Variants in HMCN2 observed in about 807,000 individuals in gnomAD.
HMCN2 encodes the protein hemicentin-2.
HMCN2 carries 325 observed loss-of-function variants against 377.5 expected under a neutral mutation model. The ratio of observed to expected loss-of-function variants is 0.86; its 90% CI spans 0.79 to 0.94. The LOEUF is 0.94. Among genes scored for constraint, HMCN2 ranks in the 40% least tolerant of loss-of-function variants. The probability of loss-of-function intolerance (pLI) is 0.00; values close to 1 mark genes in which losing one functional copy is unlikely to be tolerated. For synonymous variants in HMCN2, 2,007 were observed against 2,046.8 expected, an observed-to-expected ratio of 0.98 and a Z score of 0.53; for missense variants, 4,543 against 4,725.3, an observed-to-expected ratio of 0.96 and a Z score of 1.13.
chr9:130,422,730 A>T lies in HMCN2; in HGVS notation c.13381+4A>T. 1 of 1,275,648 alleles carries T rather than the reference A, an allele frequency of 7.8e-7. No individual in the cohort carries two copies. The highest frequency in any genetic ancestry group is 1.0e-6 in the Non-Finnish European group (1 of 1,002,584). The allele number at this position is 1,275,648 out of a possible 1,614,324, so 79.0% of individuals were successfully genotyped here. On this transcript the variant is annotated splice_donor_region_variant and intron_variant, in intron 87 of 97. Coordinates refer to ENST00000683500, the MANE Select transcript of HMCN2 (RefSeq NM_001291815.2). The surrounding 1 kb of genome is among the most constrained non-coding windows in gnomAD (Gnocchi z 4.2). ...CGCCATGTCCCAGCAAACGTGGGTG[A>T]GTGGAAGGCAGAGCATCACCTGCCT... is the stretch of plus-strand genomic sequence containing the variant.
chr9:130,315,016 C>T (rs1166811668), intron 15 of HMCN2, among the ~76,000 whole-genome samples: 7 of 151,790 alleles, frequency 4.6e-5, no homozygotes, highest in African/African-American at 1.7e-4. Flanking sequence ...AGGGCCTTTC[C>T]CTTGGAAAAT....
At chr9:130,379,529 G>A in intron 54 of HMCN2, 62 bp downstream of exon 54, 1 of 785,120 alleles carries the variant, frequency 1.3e-6, no homozygotes, top group Non-Finnish European at 1.5e-6. Flanking sequence ...TGCCTGCTGT[G>A]TGACCTTAAG....
chr9:130,381,290 TC>T (rs1473100189), intron 54 of HMCN2, among the ~76,000 whole-genome samples: 1 of 151,954 alleles, frequency 6.6e-6, no homozygotes, highest in Non-Finnish European at 1.5e-5. Flanking sequence ...AGCCTAGAAT[TC>T]TGAGCACACA....
intron 76 of HMCN2, 146 bp downstream of exon 76, chr9:130,399,778 G>A (rs970041274): frequency 8.8e-6 from 4 of 455,460 alleles, no homozygotes; most frequent in African/African-American, 2.0e-5. Flanking sequence ...CTCAGATCCT[G>A]CTGGGCCACA....
rs1316819572 is a variant in HMCN2, at chr9:130,425,041, G to T, written c.13552G>T (p.Gly4518Cys). 2.6e-6 allele frequency: 4 copies of T among 1,549,954 alleles called. No homozygotes were observed. The highest frequency in any genetic ancestry group is 1.2e-5 in the South Asian group (1 of 84,004). ...ELLTMTQVARGLDPDGLLLLD... is the reference protein window; with the variant it reads ...ELLTMTQVARCLDPDGLLLLD... ...GCTCACGATGACCCAGGTGGCCCGGGGTCTGGATCCCGATGGCCTCCTGCT... is the reference window on the plus strand; with the variant it reads ...GCTCACGATGACCCAGGTGGCCCGGTGTCTGGATCCCGATGGCCTCCTGCT... The change falls in exon 89 of 98, where the codon GGT (glycine) becomes TGT (cysteine). Residue 4518 changes from glycine to cysteine, a missense_variant. Physicochemically the swap from Gly to Cys is radical, Grantham distance 159. This residue lies in a region of HMCN2 where 1,155 missense variants were observed against 1,157.7 expected (regional missense o/e 1.00). Transcript: ENST00000683500.
At position 130,428,785 on chromosome 9, in the gene HMCN2, C is replaced by T. The variant is rs1339346741; in HGVS notation, c.14197+296C>T. On this transcript the variant is annotated intron_variant, in intron 93 of 97. Transcript: ENST00000683500. This position sits in a 1 kb window ranked among gnomAD's most constrained non-coding sequence, Gnocchi z 5.0. ...CCAGGTCAGGGATGGCAAACACATG[C>T]TCCCTCTGCTGCCATCCGTTCTGTT... 6.6e-6 allele frequency among the ~76,000 whole-genome samples: 1 copy of T among 152,180 alleles called. No individual in the cohort carries two copies. The highest frequency in any genetic ancestry group is 1.5e-5 in the Non-Finnish European group (1 of 68,020).
intron 31 of HMCN2, among the ~76,000 whole-genome samples, 180 bp from the exon 32 acceptor site, chr9:130,354,583 G>A (rs1004912433): frequency 1.3e-5 from 2 of 152,182 alleles, no homozygotes; most frequent in East Asian, 1.9e-4. Context: ...CCCAGGGGCT[G>A]AGGAGGGTGA....
chr9:130,421,435 T>C (rs1844002997), intron 86 of HMCN2, among the ~76,000 whole-genome samples: 1 of 152,156 alleles, frequency 6.6e-6, no homozygotes, highest in Non-Finnish European at 1.5e-5. Context: ...AAACCTGCTT[T>C]TCCTCCTTCC....
chr9:130,270,713 G>C (rs1834367018), intron 1 of HMCN2, among the ~76,000 whole-genome samples: 1 of 148,960 alleles, frequency 6.7e-6, no homozygotes, highest in South Asian at 2.1e-4. Context: ...AGCCTTCTGA[G>C]TAGCTGGGAC....
intron 85 of HMCN2, among the ~76,000 whole-genome samples, chr9:130,410,870 G>A (rs1314324750): frequency 6.6e-6 from 1 of 152,154 alleles, no homozygotes; most frequent in Non-Finnish European, 1.5e-5. Flanking sequence ...GGGCCTGGGG[G>A]AGCTGGGCAT....
At position 130,422,714 on chromosome 9, in the gene HMCN2, C is replaced by T; in HGVS notation, c.13369C>T (p.Pro4457Ser). The part of the protein sequence containing the change: ...SSIHSSIRHV[P>S]ANVGPLMRVL... Reference sequence around the variant, plus strand: ...CATCCACAGCAGCATCCGCCATGTCCCAGCAAACGTGGGTGAGTGGAAGGC... The same window carrying T: ...CATCCACAGCAGCATCCGCCATGTCTCAGCAAACGTGGGTGAGTGGAAGGC... The change falls in exon 87 of 98, where the codon CCA becomes TCA. Residue 4457 changes from proline to serine, a missense_variant. Transcript: ENST00000683500. The surrounding 1 kb of genome is among the most constrained non-coding windows in gnomAD (Gnocchi z 4.2). 7.8e-7 allele frequency: 1 copy of T among 1,281,920 alleles called. No individual in the cohort carries two copies. The highest frequency in any genetic ancestry group is 1.5e-5 in the African/African-American group (1 of 64,814). The allele number at this position is 1,281,920 out of a possible 1,614,324, so 79.4% of individuals were successfully genotyped here.
chr9:130,319,278 C>T (rs878869624), intron 15 of HMCN2, among the ~76,000 whole-genome samples: 7,133 of 152,222 alleles, frequency 0.047, 535 homozygotes, highest in African/African-American at 0.16. Flanking sequence ...TGAGACCCCA[C>T]GCACCATCCC....
Position 130,382,229 on chromosome 9 carries a change from G to A in HMCN2, c.8477G>A (p.Gly2826Glu). 2 of 985,848 alleles carry A rather than the reference G, an allele frequency of 2.0e-6. No homozygotes were observed. The highest frequency in any genetic ancestry group is 2.4e-6 in the Non-Finnish European group (2 of 829,942). 61.1% of individuals were successfully genotyped at this position (985,848 alleles called of 1,614,324 possible). A position where few individuals can be genotyped will look rare whatever the true frequency, so the allele number is the denominator to read the frequency against. Residue 2826 changes from glycine (G) to glutamate (E), a missense_variant, in exon 55 of 98, where the codon GGG becomes GAG. Physicochemically the swap from Gly to Glu is moderately conservative, Grantham distance 98. This residue lies in a region of HMCN2 where 736 missense variants were observed against 773.2 expected (regional missense o/e 0.95). Coordinates refer to ENST00000683500, the MANE Select transcript of HMCN2 (RefSeq NM_001291815.2). ...QIPLVRAENA[G>E]RYSCKASNEV... ...CCCCTGGTGCGGGCAGAGAACGCCGGGAGGTACTCGTGCAAGGCCTCCAAC... is the reference window on the plus strand; with the variant it reads ...CCCCTGGTGCGGGCAGAGAACGCCGAGAGGTACTCGTGCAAGGCCTCCAAC...
In HMCN2 at chr9:130,339,860, G is replaced by T. The variant is rs1012530755; in HGVS notation, c.3488-1251G>T. 3.7e-4 allele frequency among the ~76,000 whole-genome samples: 56 copies of T among 152,264 alleles called. 2 individuals are homozygous for T. In the South Asian group the frequency reaches 0.011, roughly 30 times the overall value. On this transcript the variant is annotated intron_variant, in intron 23 of 97. Coordinates refer to ENST00000683500, the MANE Select transcript of HMCN2 (RefSeq NM_001291815.2). ...TTCTCAGAAGCTGCGTAGGGGGTGG[G>T]TGCACCTCAGTGTCCCTCGAGGGTC...
At chr9:130,417,947 C>G (rs976131676) in intron 85 of HMCN2, among the ~76,000 whole-genome samples, 2 of 152,228 alleles carry the variant, frequency 1.3e-5, no homozygotes, top group African/African-American at 4.8e-5. Flanking sequence ...CCATACTAGC[C>G]TTCCAGGAGG....
At chr9:130,268,977 A>G (rs1030290711) in intron 1 of HMCN2, among the ~76,000 whole-genome samples, 8 of 148,706 alleles carry the variant, frequency 5.4e-5, no homozygotes, top group African/African-American at 1.9e-4. Flanking sequence ...GTGCCTTTTG[A>G]ATCAGCAAAT....
rs926718035 is a variant in HMCN2, at chr9:130,332,010, A to G, written c.3359+4535A>G. 8.8e-3 allele frequency among the ~76,000 whole-genome samples: 1,345 copies of G among 152,202 alleles called. 17 individuals are homozygous for G. Among genetic ancestry groups the G allele is most frequent in the African/African-American group, 0.031 (1,279 of 41,540 alleles). On this transcript the variant is annotated intron_variant, in intron 22 of 97. Transcript: ENST00000683500. ...CCACCCACCCTTCTCCTGGAAGGGG[A>G]CCACTGGGCCGGCTCATTAGAGGTG...
In HMCN2 at chr9:130,349,090, A is replaced by C. The variant is rs1445513161; in HGVS notation, c.4262A>C (p.Gln1421Pro). The change falls in exon 28 of 98, where the codon CAG becomes CCG. Residue 1421 changes from glutamine to proline, a missense_variant. Physicochemically the swap from Gln to Pro is moderately conservative, Grantham distance 76. Around this residue, in one of 5 missense-constraint regions of HMCN2, gnomAD observed 1,032 missense variants for 1,285.1 expected, o/e 0.80. Coordinates refer to ENST00000683500, the MANE Select transcript of HMCN2 (RefSeq NM_001291815.2). ...CTCTACTCCTGCCGGGCAGAGAACC[A>C]GGCTGGCACCGCCCAGAGGGACTTC... Reference protein sequence around the residue: ...SGLYSCRAENQAGTAQRDFHL... With the variant: ...SGLYSCRAENPAGTAQRDFHL... The C allele has an allele frequency of 7.7e-6, 10 of 1,304,138 alleles. No individual in the cohort carries two copies. Among genetic ancestry groups the C allele is most frequent in the Non-Finnish European group, 1.0e-5 (10 of 988,934 alleles). 80.8% of individuals were successfully genotyped at this position (1,304,138 alleles called of 1,614,324 possible). A position where few individuals can be genotyped will look rare whatever the true frequency, so the allele number is the denominator to read the frequency against.
chr9:130,383,368 G>A lies in HMCN2; in HGVS notation c.8734-136G>A, dbSNP rs116455286. 760 of 211,580 alleles carry A rather than the reference G, an allele frequency of 3.6e-3. 6 individuals are homozygous for A. Among genetic ancestry groups the A allele is most frequent in the African/African-American group, 0.016 (701 of 42,650 alleles). The allele number at this position is 211,580 out of a possible 1,614,324, so 13.1% of individuals were successfully genotyped here. A position where few individuals can be genotyped will look rare whatever the true frequency, so the allele number is the denominator to read the frequency against. On this transcript the variant is annotated intron_variant, in intron 56 of 97. Coordinates refer to ENST00000683500, the MANE Select transcript of HMCN2 (RefSeq NM_001291815.2). ...CCACACAAGGCCCTGGATGGAGGAG[G>A]TTCCAGGTCTCCATGAGCTGCCTGG...
Sources: allele counts gnomAD v4.1 joint callset (sites outside exome capture counted in the v4.1 genomes callset), GRCh38; gene constraint gnomAD v4.1.1; regional missense constraint gnomAD v4.1.1; non-coding constraint Gnocchi (gnomAD v3.1); transcripts MANE v1.5; gene names NCBI Gene and HGNC (gene_info 2026-07-23, HGNC 2026-07-21).